The following ASCC3 variants were observed in gnomAD, a reference collection of about 807,000 sequenced individuals.
The protein encoded by ASCC3 is ASC-1 complex subunit P200.
A neutral mutation model predicts 256.3 loss-of-function variants in ASCC3; 158 were observed. The ratio of observed to expected loss-of-function variants is 0.62; its 90% CI spans 0.54 to 0.70. The LOEUF is 0.70. Among genes scored for constraint, ASCC3 ranks in the 30% least tolerant of loss-of-function variants. The pLI, the probability that ASCC3 is intolerant of heterozygous loss-of-function variation, is 0.00. For missense variants in ASCC3, 2,259 were observed against 2,626.0 expected, an observed-to-expected ratio of 0.86 and a Z score of 3.05; for synonymous variants, 948 against 883.4, an observed-to-expected ratio of 1.07 and a Z score of -1.30.
chr6:100,526,560 A>G (rs2114632579), intron 37 of ASCC3, among the ~76,000 whole-genome samples: 1 of 152,320 alleles, frequency 6.6e-6, no homozygotes, highest in Middle Eastern at 3.4e-3. Flanking sequence ...GGTGTTTAAC[A>G]CCTCAAAATC....
intron 1 of ASCC3, among the ~76,000 whole-genome samples, chr6:100,872,136 A>G (rs975412987): frequency 6.6e-5 from 10 of 152,190 alleles, no homozygotes; most frequent in African/African-American, 2.4e-4. Flanking sequence ...TGCTTTCAAA[A>G]TGTAGCATCA....
chr6:100,654,632 G>A (rs148111409), intron 17 of ASCC3, among the ~76,000 whole-genome samples: 191 of 152,114 alleles, frequency 1.3e-3, no homozygotes, highest in African/African-American at 4.5e-3. Context: ...TGTTATAACA[G>A]AGCAATTTGG....
chr6:100,800,262 TAC>T, intron 6 of ASCC3, 36 bp downstream of exon 6: 1 of 1,599,910 alleles, frequency 6.3e-7, no homozygotes, highest in Non-Finnish European at 8.6e-7. Flanking sequence ...AAGCAGCAAT[TAC>T]AACACAAGCA....
At chr6:100,558,141 C>G (rs1349627611) in intron 36 of ASCC3, among the ~76,000 whole-genome samples, 2 of 147,872 alleles carry the variant, frequency 1.4e-5, no homozygotes, top group Non-Finnish European at 3.0e-5. Context: ...AAGAAGAAAA[C>G]TACATAAGAC....
chr6:100,714,476 T>C (rs1043528825), intron 13 of ASCC3, among the ~76,000 whole-genome samples: 13 of 152,264 alleles, frequency 8.5e-5, no homozygotes, highest in African/African-American at 3.1e-4. Context: ...ACTAGCAGAA[T>C]GACCTGAACA....
intron 14 of ASCC3, among the ~76,000 whole-genome samples, chr6:100,678,086 C>T (rs75699784): frequency 0.043 from 6,480 of 152,104 alleles, 244 homozygotes; most frequent in East Asian, 0.19. Flanking sequence ...GAATGAGTTA[C>T]ATAAAGTAAT....
chr6:100,656,447 G>A (rs1321003996), intron 16 of ASCC3, among the ~76,000 whole-genome samples: 4 of 151,624 alleles, frequency 2.6e-5, no homozygotes, highest in African/African-American at 9.7e-5. Context: ...ACAAACTCAT[G>A]TACAAGAACA....
At chr6:100,704,167 T>G (rs935999772) in intron 13 of ASCC3, among the ~76,000 whole-genome samples, 2 of 151,990 alleles carry the variant, frequency 1.3e-5, no homozygotes, top group Non-Finnish European at 2.9e-5. Flanking sequence ...TAGATTTTCT[T>G]GTACTTAAAA....
In ASCC3 at chr6:100,627,917, C is replaced by T. The variant is rs1229188739; in HGVS notation, c.4446G>A (p.Lys1482=). ...TAGATAGTCCAACTATTCTAACAGGCTTTTCTGTGTGTGATGAGATAAAAT... is the reference window on the plus strand; with the variant it reads ...TAGATAGTCCAACTATTCTAACAGGTTTTTCTGTGTGTGATGAGATAAAAT... The part of the protein sequence containing the change: ...RTNFISSHTE[K]PVRIVGLSTA... Residue 1482 remains lysine, a synonymous_variant, in exon 28 of 42, where the codon AAG becomes AAA. Transcript: ENST00000369162. 6.2e-7 allele frequency: 1 copy of T among 1,613,562 alleles called. No homozygotes were observed. Among genetic ancestry groups the T allele is most frequent in the Non-Finnish European group, 8.5e-7 (1 of 1,179,794 alleles).
intron 4 of ASCC3, among the ~76,000 whole-genome samples, chr6:100,836,847 G>A (rs998173102): frequency 3.9e-5 from 6 of 152,064 alleles, no homozygotes; most frequent in African/African-American, 1.2e-4. Context: ...GAATTCAGAA[G>A]TAAAGGCTAT....
intron 4 of ASCC3, among the ~76,000 whole-genome samples, chr6:100,842,996 T>TA (rs1265890033): frequency 6.6e-6 from 1 of 152,068 alleles, no homozygotes; most frequent in Non-Finnish European, 1.5e-5. Flanking sequence ...TAAGAAAGAC[T>TA]AAAAAACAAA....
intron 38 of ASCC3, among the ~76,000 whole-genome samples, chr6:100,517,790 T>C (rs1214415587): frequency 6.6e-6 from 1 of 152,140 alleles, no homozygotes; most frequent in East Asian, 1.9e-4. Context: ...AAGTTTAAAC[T>C]GTAGTTCAGC....
chr6:100,552,324 T>C (rs1370633203), intron 36 of ASCC3, among the ~76,000 whole-genome samples: 2 of 151,852 alleles, frequency 1.3e-5, no homozygotes, highest in Admixed American at 1.3e-4. Context: ...CTTTAAAAAA[T>C]ATGATTCTTA....
chr6:100,563,796 C>G (rs1770080174), intron 36 of ASCC3, among the ~76,000 whole-genome samples: 1 of 152,038 alleles, frequency 6.6e-6, no homozygotes, highest in Admixed American at 6.6e-5. Flanking sequence ...CACTGATAAT[C>G]TAAATTTGCT....
rs182737972 is a variant in ASCC3 at position 100,621,607 on chromosome 6, T to A, written c.4785+3585A>T. On this transcript the variant is annotated intron_variant, in intron 30 of 41. Transcript: ENST00000369162. ...GAAACAATAGATGCAGGCAAGGTTG[T>A]GGAGAAAAAGTAACACTTTTACACT... is the stretch of plus-strand genomic sequence containing the variant. Among the ~76,000 whole-genome samples, 36 of 152,280 alleles carry A rather than the reference T, an allele frequency of 2.4e-4. No homozygotes were observed. In the East Asian group the frequency reaches 6.2e-3, roughly 26 times the overall value.
In ASCC3 at chr6:100,860,488, T is replaced by G. The variant is rs1387575104; in HGVS notation, c.241+3576A>C. On this transcript the variant is annotated intron_variant, in intron 3 of 41. Transcript: ENST00000369162. ...CAAAAAAGAGAGAAACTGCCACTTG[T>G]AAGACATCGTCAGCATTACAGGTAG... Among the ~76,000 whole-genome samples, 5 of 152,006 alleles carry G rather than the reference T, an allele frequency of 3.3e-5. No homozygotes were observed. The East Asian group carries it at 9.6e-4, about 29-fold the overall frequency.
In ASCC3 at chr6:100,757,038, A is replaced by G. The variant is rs114420356; in HGVS notation, c.1737+9527T>C. ...TTAACTTTGTTCAAAGTATTGCAGAAACATACTTCTAATAAAAACCCAAAC... is the reference window on the plus strand; with the variant it reads ...TTAACTTTGTTCAAAGTATTGCAGAGACATACTTCTAATAAAAACCCAAAC... On this transcript the variant is annotated intron_variant, in intron 10 of 41. Transcript: ENST00000369162. Among the ~76,000 whole-genome samples the G allele has an allele frequency of 7.3e-3, 1,109 of 152,270 alleles. 12 individuals are homozygous for G. The highest frequency in any genetic ancestry group is 0.025 in the African/African-American group (1,032 of 41,558).
At chr6:100,767,021 G>A in intron 9 of ASCC3, 124 bp downstream of exon 9, 1 of 1,010,408 alleles carries the variant, frequency 9.9e-7, no homozygotes, top group Non-Finnish European at 1.5e-6. Context: ...AAATCAAACA[G>A]TATTACTTAT....
At chr6:100,712,751 C>CTTTTTTTT (rs58286754) in intron 13 of ASCC3, among the ~76,000 whole-genome samples, 1 of 69,750 alleles carries the variant, frequency 1.4e-5, no homozygotes, top group African/African-American at 5.4e-5. Context: ...CAATTATACT[C>CTTTTTTTT]TTTTTTTTTT....
Sources: gnomAD v4.1 joint callset for allele counts (sites outside exome capture counted in the v4.1 genomes callset) on GRCh38, gnomAD v4.1.1 for gene constraint, MANE v1.5 for transcripts, NCBI Gene and HGNC (gene_info 2026-07-23, HGNC 2026-07-21) for gene names.